Variants in RBFOX1 observed in about 807,000 individuals in gnomAD.
RBFOX1 encodes RNA binding fox-1 homolog 1, also known as RNA binding protein fox-1 homolog 1.
RBFOX1 carries 8 observed loss-of-function variants against 57.7 expected under a neutral mutation model. That is an observed-to-expected ratio of 0.14 (90% CI 0.08 to 0.25). The LOEUF (loss-of-function observed/expected upper bound fraction) is 0.25, where lower values mean the gene tolerates loss of function less well. Among genes scored for constraint, RBFOX1 ranks in the 10% least tolerant of loss-of-function variants. The pLI, the probability that RBFOX1 is intolerant of heterozygous loss-of-function variation, is 1.00. For synonymous variants in RBFOX1, 326 were observed against 222.4 expected, an observed-to-expected ratio of 1.47 and a Z score of -4.15; for missense variants, 611 against 548.5, an observed-to-expected ratio of 1.11 and a Z score of -1.14.
At chr16:5,798,779 A>C (rs1308353726) in intron 3 of RBFOX1, among the ~76,000 whole-genome samples, 1 of 152,234 alleles carries the variant, frequency 6.6e-6, no homozygotes, top group African/African-American at 2.4e-5. Context: ...GTCAAAAATT[A>C]TGAACCAGGG....
At chr16:6,311,421 C>G (rs561728116) in intron 1 of RBFOX1, among the ~76,000 whole-genome samples, 7 of 151,796 alleles carry the variant, frequency 4.6e-5, no homozygotes, top group South Asian at 2.1e-4. Context: ...ATCACAGAGA[C>G]CAAGCATCTG....
At chr16:5,952,650 G>T (rs565571735) in intron 4 of RBFOX1, among the ~76,000 whole-genome samples, 3 of 152,180 alleles carry the variant, frequency 2.0e-5, no homozygotes, top group African/African-American at 4.8e-5. Flanking sequence ...CGATAGTGAT[G>T]GGTGTAGCTG....
intron 5 of RBFOX1, among the ~76,000 whole-genome samples, chr16:7,578,947 G>T (rs937768247): frequency 2.0e-5 from 3 of 152,176 alleles, no homozygotes; most frequent in African/African-American, 7.2e-5. Flanking sequence ...AGACAGGGGA[G>T]GTGAAACAAT....
intron 1 of RBFOX1, among the ~76,000 whole-genome samples, chr16:6,235,914 G>A (rs1347128139): frequency 2.0e-5 from 3 of 152,078 alleles, no homozygotes; most frequent in Admixed American, 2.0e-4. Context: ...AGTGTATACT[G>A]CTCGGGTGAT....
exon 3 of RBFOX1, chr16:5,599,144 T>A: frequency 3.3e-6 from 2 of 610,822 alleles, no homozygotes; most frequent in Non-Finnish European, 5.7e-6. Flanking sequence ...TTCTATCACT[T>A]GGGCCGTATT....
chr16:7,631,796 C>G (rs931733598), intron 11 of RBFOX1, among the ~76,000 whole-genome samples: 1 of 152,290 alleles, frequency 6.6e-6, no homozygotes, highest in African/African-American at 2.4e-5. Flanking sequence ...GAAAACCAAC[C>G]TCCTCACTGT....
In RBFOX1 at chr16:7,567,684, TAG is replaced by T. The variant is rs1491415923; in HGVS notation, c.271-12091_271-12090del. 1.6e-3 allele frequency among the ~76,000 whole-genome samples: 209 copies of T among 134,706 alleles called. 3 individuals are homozygous for T. The highest frequency in any genetic ancestry group is 5.2e-3 in the African/African-American group (195 of 37,306). 88.4% of individuals were successfully genotyped at this position (134,706 alleles called of 152,430 possible). A position where few individuals can be genotyped will look rare whatever the true frequency, so the allele number is the denominator to read the frequency against. On this transcript the variant is annotated intron_variant, in intron 5 of 15. Coordinates refer to ENST00000550418, the MANE Select transcript of RBFOX1 (RefSeq NM_018723.4). Reference sequence around the variant, plus strand: ...ATATATCCCTATATATGGCCCTATATAGATATATATCCCTATATATAATCCCT... The same window carrying T: ...ATATATCCCTATATATGGCCCTATATATATATATCCCTATATATAATCCCT...
intron 4 of RBFOX1, among the ~76,000 whole-genome samples, chr16:7,138,238 G>A (rs890900463): frequency 4.0e-5 from 6 of 149,484 alleles, no homozygotes; most frequent in Non-Finnish European, 9.1e-5. Context: ...CATGAGAGAT[G>A]GTAAGATTGC....
intron 2 of RBFOX1, among the ~76,000 whole-genome samples, chr16:6,362,894 C>G (rs547758659): frequency 6.6e-6 from 1 of 152,206 alleles, no homozygotes; most frequent in African/African-American, 2.4e-5. Context: ...AGGTAGTTGT[C>G]TCTTGAATGT....
chr16:6,921,749 G>T (rs1443189079), intron 3 of RBFOX1, among the ~76,000 whole-genome samples: 1 of 150,682 alleles, frequency 6.6e-6, no homozygotes, highest in African/African-American at 2.4e-5. Flanking sequence ...GCATATGTAT[G>T]TGTGTGTGTA....
At chr16:7,209,049 C>G (rs185392740) in intron 4 of RBFOX1, among the ~76,000 whole-genome samples, 184 of 152,014 alleles carry the variant, frequency 1.2e-3, no homozygotes, top group Non-Finnish European at 2.1e-3. Context: ...AATCCCAGCA[C>G]TTTGGGAGGC....
intron 4 of RBFOX1, among the ~76,000 whole-genome samples, chr16:7,408,489 T>C (rs996782304): frequency 6.6e-6 from 1 of 152,222 alleles, no homozygotes; most frequent in Non-Finnish European, 1.5e-5. Flanking sequence ...GTCTGTTTGA[T>C]CTGCTGAGAA....
intron 4 of RBFOX1, among the ~76,000 whole-genome samples, chr16:7,145,043 G>C (rs1032339094): frequency 1.3e-5 from 2 of 152,194 alleles, no homozygotes; most frequent in African/African-American, 4.8e-5. Context: ...GCAAATCCTA[G>C]CCGGATGTGA....
At chr16:7,166,990 T>TTTTTTTTTTTTTTTTTTG in intron 4 of RBFOX1, among the ~76,000 whole-genome samples, 1 of 124,328 alleles carries the variant, frequency 8.0e-6, no homozygotes, top group Non-Finnish European at 1.7e-5. Context: ...TTTTTTTTTT[T>TTTTTTTTTTTTTTTTTTG]TTTTTTTTTT....
chr16:7,389,757 T>C (rs1034142711), intron 4 of RBFOX1, among the ~76,000 whole-genome samples: 3 of 152,120 alleles, frequency 2.0e-5, no homozygotes, highest in Non-Finnish European at 4.4e-5. Flanking sequence ...CCAATAATAA[T>C]ATTGGTGGTT....
chr16:5,511,895 A>G (rs1298438306), intron 2 of RBFOX1, among the ~76,000 whole-genome samples: 1 of 152,210 alleles, frequency 6.6e-6, no homozygotes, highest in Non-Finnish European at 1.5e-5. Context: ...TGAAGTGTAT[A>G]AAGTACCAGA....
At chr16:7,516,296 C>T (rs532281358) in intron 4 of RBFOX1, among the ~76,000 whole-genome samples, 1 of 152,064 alleles carries the variant, frequency 6.6e-6, no homozygotes, top group African/African-American at 2.4e-5. Flanking sequence ...AACGGACTCA[C>T]TAGATAGATG....
chr16:6,869,175 T>C (rs1350550680), intron 3 of RBFOX1, among the ~76,000 whole-genome samples: 1 of 152,226 alleles, frequency 6.6e-6, no homozygotes, highest in African/African-American at 2.4e-5. Context: ...CTTCTGCTGC[T>C]TTGCACGCTC....
At chr16:6,467,938 A>G (rs977707558) in intron 2 of RBFOX1, among the ~76,000 whole-genome samples, 2 of 152,224 alleles carry the variant, frequency 1.3e-5, no homozygotes, top group Non-Finnish European at 2.9e-5. Context: ...GTTAATGGGA[A>G]AATCCCAGAA....
Sources: gnomAD v4.1 joint callset for allele counts (sites outside exome capture counted in the v4.1 genomes callset) on GRCh38, gnomAD v4.1.1 for gene constraint, MANE v1.5 for transcripts, NCBI Gene and HGNC (gene_info 2026-07-23, HGNC 2026-07-21) for gene names.